The following RTRAF variants were observed in gnomAD, a reference collection of about 807,000 sequenced individuals.
RTRAF encodes the protein RNA transcription, translation and transport factor, also known as tRNA-splicing ligase complex subunit RTRAF.
RTRAF carries 14 observed loss-of-function variants against 34.4 expected under a neutral mutation model. The observed-to-expected ratio is 0.41, with a 90% confidence interval of 0.27 to 0.64. RTRAF has a LOEUF of 0.64. RTRAF is among the 30% of genes least tolerant of loss of function. The pLI is 0.34. For synonymous variants in RTRAF, 96 were observed against 95.3 expected (o/e 1.01, Z -0.04); for missense variants, 291 against 288.4 (o/e 1.01, Z -0.06).
At chr14:52,003,910 C>A (rs1223344476) in intron 6 of RTRAF, 1 of 369,630 alleles carries the variant, frequency 2.7e-6, no homozygotes, top group Non-Finnish European at 4.9e-6. Flanking sequence ...GGCACTGCTG[C>A]AATAAGGATA....
chr14:52,004,022 C>T (rs771385837), intron 6 of RTRAF, 172 bp from the exon 7 acceptor site: 5 of 629,346 alleles, frequency 7.9e-6, no homozygotes, highest in Non-Finnish European at 1.1e-5. Flanking sequence ...ATAGGGAAAA[C>T]TCGCTAATCA....
rs1458226323 is a variant in RTRAF at position 51,993,733 on chromosome 14, A to T, written c.197A>T (p.Asp66Val). 6.3e-7 allele frequency: 1 copy of T among 1,590,420 alleles called. No individual in the cohort carries two copies. The highest frequency in any genetic ancestry group is 8.6e-7 in the Non-Finnish European group (1 of 1,164,592). The change falls in exon 3 of 8, where the codon GAT becomes GTT. Residue 66 changes from aspartate to valine, a missense_variant. Physicochemically the swap from Asp to Val is radical, Grantham distance 152 (BLOSUM62 -3). Coordinates refer to ENST00000261700, the MANE Select transcript of RTRAF (RefSeq NM_016039.3). The part of the protein sequence containing the change: ...WPKFFEKYLR[D>V]VNCPFKIQDR... ...TCTTCCCCCTCACAGTATCTCAGAG[A>T]TGTTAACTGTCCTTTCAAGATTCAA...
intron 6 of RTRAF, 31 bp from the exon 7 acceptor site, chr14:52,004,163 A>ATACTC: frequency 1.3e-6 from 2 of 1,581,194 alleles, no homozygotes; most frequent in East Asian, 4.5e-5. Flanking sequence ...TTAACCATAA[A>ATACTC]TACTCTCATT....
In RTRAF at chr14:52,007,953, G is replaced by A; in HGVS notation, c.*3437G>A. ...TTTAGGAGCTTCTCTATTCCAGTCT[G>A]TCCAGTACAAGTTGCTGTAAGTTAA... On this transcript the variant is annotated 3_prime_UTR_variant, in exon 8 of 8. Coordinates refer to ENST00000261700, the MANE Select transcript of RTRAF (RefSeq NM_016039.3). The A allele has an allele frequency of 1.2e-6, 2 of 1,603,958 alleles. No individual in the cohort carries two copies. The highest frequency in any genetic ancestry group is 1.7e-6 in the Non-Finnish European group (2 of 1,176,920).
rs1397210907 is a variant in RTRAF at position 52,006,162 on chromosome 14, C to G, written c.*1646C>G. 2.5e-6 allele frequency: 1 copy of G among 406,988 alleles called. No homozygotes were observed. Among genetic ancestry groups the G allele is most frequent in the Admixed American group, 3.6e-5 (1 of 27,440 alleles). 25.2% of individuals were successfully genotyped at this position (406,988 alleles called of 1,614,324 possible). ...AAATAGTATTTTTCGGTCCCTCAGA[C>G]AATATGTCCACAGTGTCAAAAGCCA... On this transcript the variant is annotated 3_prime_UTR_variant, in exon 8 of 8. Coordinates refer to ENST00000261700, the MANE Select transcript of RTRAF (RefSeq NM_016039.3).
In RTRAF at chr14:52,005,282, A is replaced by G; in HGVS notation, c.*766A>G. The stretch of plus-strand genomic sequence containing the variant: ...GTTACCTTTTTAAACTTGCAATAAC[A>G]ACCTTCATTTTTAAAAATACAGTAG... On this transcript the variant is annotated 3_prime_UTR_variant, in exon 8 of 8. Coordinates refer to ENST00000261700, the MANE Select transcript of RTRAF (RefSeq NM_016039.3). 1 of 414,384 alleles carries G rather than the reference A, an allele frequency of 2.4e-6. No individual in the cohort carries two copies. The highest frequency in any genetic ancestry group is 4.2e-6 in the Non-Finnish European group (1 of 237,414). 25.7% of individuals were successfully genotyped at this position (414,384 alleles called of 1,614,324 possible).
chr14:52,000,318 G>A (rs902753894), intron 5 of RTRAF, among the ~76,000 whole-genome samples: 14 of 152,178 alleles, frequency 9.2e-5, no homozygotes, highest in African/African-American at 3.4e-4. Context: ...TTCTGTCCCC[G>A]ATGCTAGATA....
intron 1 of RTRAF, among the ~76,000 whole-genome samples, chr14:51,990,180 G>GT (rs1331332819): frequency 8.5e-5 from 13 of 152,196 alleles, no homozygotes; most frequent in African/African-American, 3.1e-4. Flanking sequence ...GTTTGAGACA[G>GT]TACACAATGA....
chr14:52,005,613 T>C lies in RTRAF; in HGVS notation c.*1097T>C. ...TAGGTAGATTTAAGGTAGTAAAGAC[T>C]GGCCCTCAGGGCAGGAAGAAGGCAA... On this transcript the variant is annotated 3_prime_UTR_variant, in exon 8 of 8. Transcript: ENST00000261700. 6.9e-7 allele frequency: 1 copy of C among 1,441,034 alleles called. No individual in the cohort carries two copies. Among genetic ancestry groups the C allele is most frequent in the Admixed American group, 1.7e-5 (1 of 57,680 alleles). The allele number at this position is 1,441,034 out of a possible 1,614,324, so 89.3% of individuals were successfully genotyped here. A position where few individuals can be genotyped will look rare whatever the true frequency, so the allele number is the denominator to read the frequency against.
At position 52,007,936 on chromosome 14, in the gene RTRAF, C is replaced by G. The variant is rs966408781; in HGVS notation, c.*3420C>G. 1 of 1,613,462 alleles carries G rather than the reference C, an allele frequency of 6.2e-7. No individual in the cohort carries two copies. Among genetic ancestry groups the G allele is most frequent in the Non-Finnish European group, 8.5e-7 (1 of 1,179,848 alleles). On this transcript the variant is annotated 3_prime_UTR_variant, in exon 8 of 8. Coordinates refer to ENST00000261700, the MANE Select transcript of RTRAF (RefSeq NM_016039.3). ...AAAGATGACGTTTCAATTTTAGGAG[C>G]TTCTCTATTCCAGTCTGTCCAGTAC...
At chr14:51,999,439 A>G (rs1890568907) in intron 4 of RTRAF, 2 of 298,338 alleles carry the variant, frequency 6.7e-6, no homozygotes, top group Non-Finnish European at 1.2e-5. Context: ...ATCCCACTGA[A>G]CTCATTGTAA....
At chr14:51,999,825 G>C in intron 5 of RTRAF, 29 bp downstream of exon 5, 1 of 1,490,472 alleles carries the variant, frequency 6.7e-7, no homozygotes, top group Non-Finnish European at 9.3e-7. Context: ...ATTCTTGACA[G>C]AAACTGTGCA....
Position 52,006,039 on chromosome 14 carries a change from T to G in RTRAF, c.*1523T>G. ...TCCATTGCTCATCTCTAGCTGCATG[T>G]TAGAATCACATGATGAGCTATCAAA... On this transcript the variant is annotated 3_prime_UTR_variant, in exon 8 of 8. Transcript: ENST00000261700. The G allele has an allele frequency of 1.7e-6, 1 of 574,302 alleles. No individual in the cohort carries two copies. Among genetic ancestry groups the G allele is most frequent in the East Asian group, 3.0e-5 (1 of 33,590 alleles). 35.6% of individuals were successfully genotyped at this position (574,302 alleles called of 1,614,324 possible). A position where few individuals can be genotyped will look rare whatever the true frequency, so the allele number is the denominator to read the frequency against.
Position 51,999,693 on chromosome 14 carries a change from T to G in RTRAF, c.374-15T>G. The G allele has an allele frequency of 6.3e-7, 1 of 1,577,972 alleles. No individual in the cohort carries two copies. Among genetic ancestry groups the G allele is most frequent in the Non-Finnish European group, 8.7e-7 (1 of 1,152,034 alleles). ...GCAGGGTTGTAAGTTTTTGTTTGTT[T>G]TTAATCTTTTATAGTAAATAATCCT... On this transcript the variant is annotated splice_polypyrimidine_tract_variant and intron_variant, in intron 4 of 7. Transcript: ENST00000261700.
chr14:52,001,921 C>T, intron 6 of RTRAF, 55 bp downstream of exon 6: 2 of 1,442,598 alleles, frequency 1.4e-6, no homozygotes, highest in South Asian at 2.4e-5. Flanking sequence ...TCTGGTATGG[C>T]CGTGATTTTA....
Position 52,008,076 on chromosome 14 carries a change from C to G in RTRAF, c.*3560C>G. 1.2e-6 allele frequency: 1 copy of G among 862,942 alleles called. No homozygotes were observed. Among genetic ancestry groups the G allele is most frequent in the African/African-American group, 1.7e-5 (1 of 58,356 alleles). The allele number at this position is 862,942 out of a possible 1,614,324, so 53.5% of individuals were successfully genotyped here. On this transcript the variant is annotated 3_prime_UTR_variant, in exon 8 of 8. Transcript: ENST00000261700. ...TCTCCTCATGTATTATAGCCTTAAGCAATCCCCTTGAGTTTGGGCTGCATT... is the reference window on the plus strand; with the variant it reads ...TCTCCTCATGTATTATAGCCTTAAGGAATCCCCTTGAGTTTGGGCTGCATT...
rs973180728 is a variant in RTRAF at position 52,004,992 on chromosome 14, A to G, written c.*476A>G. On this transcript the variant is annotated 3_prime_UTR_variant, in exon 8 of 8. Coordinates refer to ENST00000261700, the MANE Select transcript of RTRAF (RefSeq NM_016039.3). ...AATAGAAATGCACTGATGCAGAGGT[A>G]AAAAATCTTAGAACTTTTGTTGGGA... 6.4e-6 allele frequency: 1 copy of G among 157,066 alleles called. No homozygotes were observed. Among genetic ancestry groups the G allele is most frequent in the Non-Finnish European group, 1.4e-5 (1 of 71,314 alleles). 9.7% of individuals were successfully genotyped at this position (157,066 alleles called of 1,614,324 possible).
chr14:51,997,567 A>C (rs1890539895), intron 3 of RTRAF, among the ~76,000 whole-genome samples: 1 of 151,860 alleles, frequency 6.6e-6, no homozygotes, highest in African/African-American at 2.4e-5. Context: ...TTTGAACATT[A>C]AGTTTAGTGA....
At chr14:52,002,798 T>C (rs940960426) in intron 6 of RTRAF, among the ~76,000 whole-genome samples, 7 of 152,186 alleles carry the variant, frequency 4.6e-5, no homozygotes, top group Non-Finnish European at 1.0e-4. Context: ...CCTTTTGTCC[T>C]CCAGCCCCTT....
Sources: allele counts gnomAD v4.1 joint callset (sites outside exome capture counted in the v4.1 genomes callset), GRCh38; gene constraint gnomAD v4.1.1; transcripts MANE v1.5; gene names NCBI Gene and HGNC (gene_info 2026-07-23, HGNC 2026-07-21).